Variants in RPS6KC1 observed in about 807,000 individuals in gnomAD.
RPS6KC1 encodes ribosomal protein S6 kinase C1.
Under a neutral mutation model 103.8 loss-of-function variants are expected in RPS6KC1, and 54 were observed. The observed-to-expected ratio is 0.52, with a 90% CI of 0.42 to 0.65. RPS6KC1 has a LOEUF of 0.65. RPS6KC1 is among the 30% of genes least tolerant of loss of function. The probability of loss-of-function intolerance (pLI) is 0.00; values close to 1 mark genes in which losing one functional copy is unlikely to be tolerated. For synonymous variants in RPS6KC1, 439 were observed against 438.7 expected, an observed-to-expected ratio of 1.00 and a Z score of -0.01; for missense variants, 1,151 against 1,253.8, an observed-to-expected ratio of 0.92 and a Z score of 1.24.
chr1:213,373,320 G>A, the RPS6KC1 span, among the ~76,000 whole-genome samples: 1 of 152,202 alleles, frequency 6.6e-6, no homozygotes, highest in Non-Finnish European at 1.5e-5. Flanking sequence ...ATTAGGACAA[G>A]GGACCAGGAC....
At chr1:213,154,083 G>C (rs760225483) in intron 6 of RPS6KC1, among the ~76,000 whole-genome samples, 4 of 152,140 alleles carry the variant, frequency 2.6e-5, no homozygotes, top group Admixed American at 6.5e-5. Context: ...AGAGGCTCTT[G>C]TTGTTTCCTT....
chr1:213,151,631 G>A (rs1348067065), intron 6 of RPS6KC1, among the ~76,000 whole-genome samples: 2 of 87,622 alleles, frequency 2.3e-5, no homozygotes, highest in African/African-American at 5.7e-5. Context: ...CAGACGGGGC[G>A]GCTGGCTGGG....
chr1:213,364,471 G>C, the RPS6KC1 span, among the ~76,000 whole-genome samples: 1 of 152,128 alleles, frequency 6.6e-6, no homozygotes, highest in Non-Finnish European at 1.5e-5. Flanking sequence ...CTGTGGTTGT[G>C]GTTGTTGTTG....
At chr1:213,291,010 G>GT in the RPS6KC1 span, among the ~76,000 whole-genome samples, 1 of 152,158 alleles carries the variant, frequency 6.6e-6, no homozygotes, top group Non-Finnish European at 1.5e-5. Context: ...CTTAACCTAA[G>GT]TAAAAATGGG....
chr1:213,121,117 A>G (rs569332790), intron 5 of RPS6KC1, among the ~76,000 whole-genome samples: 349 of 152,250 alleles, frequency 2.3e-3, no homozygotes, highest in African/African-American at 8.2e-3. Flanking sequence ...AATTTTTTGT[A>G]GAAATGGGGT....
the RPS6KC1 span, among the ~76,000 whole-genome samples, chr1:213,354,174 C>G: frequency 1.3e-5 from 2 of 152,232 alleles, no homozygotes; most frequent in African/African-American, 4.8e-5. Flanking sequence ...AAAACAGAAG[C>G]TAATAGGATC....
At chr1:213,467,590 G>A in the RPS6KC1 span, among the ~76,000 whole-genome samples, 1 of 152,174 alleles carries the variant, frequency 6.6e-6, no homozygotes, top group East Asian at 1.9e-4. Context: ...TGGTCTTTTG[G>A]TTCTTGGTTT....
At chr1:213,509,738 T>C in the RPS6KC1 span, among the ~76,000 whole-genome samples, 117 of 152,338 alleles carry the variant, frequency 7.7e-4, 1 homozygote, top group South Asian at 8.1e-3. Context: ...CATTTTATAA[T>C]GTTCTCCCCT....
chr1:213,807,204 C>T, the RPS6KC1 span, among the ~76,000 whole-genome samples: 2,884 of 152,274 alleles, frequency 0.019, 85 homozygotes, highest in African/African-American at 0.062. Flanking sequence ...TCTCTGGCTG[C>T]CCTTAGCATT....
At chr1:213,568,076 G>A in the RPS6KC1 span, among the ~76,000 whole-genome samples, 1 of 152,162 alleles carries the variant, frequency 6.6e-6, no homozygotes, top group South Asian at 2.1e-4. Flanking sequence ...ACACTCAGCA[G>A]GAACATGAGA....
chr1:213,237,820 G>A (rs760362118), intron 10 of RPS6KC1, among the ~76,000 whole-genome samples: 2 of 151,990 alleles, frequency 1.3e-5, no homozygotes, highest in Non-Finnish European at 2.9e-5. Context: ...ACTTAGAAAA[G>A]TATCATTTAC....
At chr1:213,535,122 A>C in the RPS6KC1 span, among the ~76,000 whole-genome samples, 1 of 152,216 alleles carries the variant, frequency 6.6e-6, no homozygotes, top group African/African-American at 2.4e-5. Flanking sequence ...ATGGAGGTTC[A>C]TTTTATTAAT....
rs1158976326 is a variant in RPS6KC1 at position 213,104,488 on chromosome 1, A to G, written c.297A>G (p.Arg99=). Residue 99 remains arginine (R), a synonymous_variant, in exon 4 of 15, where the codon AGA becomes AGG. Transcript: ENST00000366960. The stretch of plus-strand genomic sequence containing the variant: ...ATGAAACTGTTATCGAAGAGAGAAG[A>G]CAATGTGCTGAAGACCTGCTACAGT... ...RFDETVIEER[R]QCAEDLLQFS... 1 of 1,612,514 alleles carries G rather than the reference A, an allele frequency of 6.2e-7. No homozygotes were observed. The highest frequency in any genetic ancestry group is 1.3e-5 in the African/African-American group (1 of 74,990).
chr1:213,597,702 C>T, the RPS6KC1 span, among the ~76,000 whole-genome samples: 2 of 152,154 alleles, frequency 1.3e-5, no homozygotes, highest in Non-Finnish European at 2.9e-5. Flanking sequence ...GGCTTCTAAA[C>T]GCTTTAGGAG....
intron 3 of RPS6KC1, among the ~76,000 whole-genome samples, chr1:213,097,607 G>A (rs781456536): frequency 1.3e-5 from 2 of 152,216 alleles, no homozygotes; most frequent in African/African-American, 2.4e-5. Context: ...GCTTCGAAGT[G>A]TGGAAACCAA....
the RPS6KC1 span, among the ~76,000 whole-genome samples, chr1:213,815,580 G>A: frequency 6.6e-6 from 1 of 152,302 alleles, no homozygotes; most frequent in East Asian, 1.9e-4. Flanking sequence ...GAAACATAGT[G>A]GGTTTGGTTC....
chr1:213,054,402 TA>T, intron 1 of RPS6KC1, among the ~76,000 whole-genome samples: 1 of 152,348 alleles, frequency 6.6e-6, no homozygotes, highest in South Asian at 2.1e-4. Flanking sequence ...GACATACTTT[TA>T]AAATAACTGT....
chr1:213,376,874 C>T, the RPS6KC1 span, among the ~76,000 whole-genome samples: 1 of 152,106 alleles, frequency 6.6e-6, no homozygotes, highest in African/African-American at 2.4e-5. Flanking sequence ...GGAAGTAGTG[C>T]GAGATAATAC....
chr1:213,633,633 C>A, the RPS6KC1 span, among the ~76,000 whole-genome samples: 5 of 151,934 alleles, frequency 3.3e-5, no homozygotes, highest in African/African-American at 9.7e-5. Context: ...GAAGAAACCA[C>A]ACCAACTAAT....
Sources: gnomAD v4.1 joint callset for allele counts (sites outside exome capture counted in the v4.1 genomes callset) on GRCh38, gnomAD v4.1.1 for gene constraint, MANE v1.5 for transcripts, NCBI Gene and HGNC (gene_info 2026-07-23, HGNC 2026-07-21) for gene names.